Variants in VAV3 observed in about 807,000 individuals in gnomAD.
VAV3 encodes guanine nucleotide exchange factor VAV3.
VAV3 carries 94 observed loss-of-function variants against 131.2 expected under a neutral mutation model. The observed-to-expected ratio is 0.72, with a 90% CI of 0.61 to 0.85. VAV3 has a LOEUF of 0.85. VAV3 is among the 40% of genes least tolerant of loss of function. The pLI is 0.00. For missense variants in VAV3, 939 were observed against 1,002.7 expected, an observed-to-expected ratio of 0.94 and a Z score of 0.86; for synonymous variants, 349 against 342.0, an observed-to-expected ratio of 1.02 and a Z score of -0.22.
At chr1:107,631,539 C>T (rs1654483803) in intron 20 of VAV3, among the ~76,000 whole-genome samples, 1 of 151,420 alleles carries the variant, frequency 6.6e-6, no homozygotes, top group South Asian at 2.1e-4. Flanking sequence ...AGGTTAGTTA[C>T]ATATGTATAC....
chr1:107,815,898 G>A (rs1007019047), intron 2 of VAV3, among the ~76,000 whole-genome samples: 2 of 152,128 alleles, frequency 1.3e-5, no homozygotes, highest in Non-Finnish European at 1.5e-5. Context: ...GGGGGCATGG[G>A]GGGATGGTTT....
intron 15 of VAV3, among the ~76,000 whole-genome samples, chr1:107,744,718 GA>G (rs1366909004): frequency 6.6e-6 from 1 of 152,018 alleles, no homozygotes; most frequent in Admixed American, 6.5e-5. Flanking sequence ...GGACATTTAA[GA>G]AAACTGTCTG....
chr1:107,648,363 T>A (rs1223932598), intron 19 of VAV3, among the ~76,000 whole-genome samples: 1 of 152,010 alleles, frequency 6.6e-6, no homozygotes, highest in Non-Finnish European at 1.5e-5. Flanking sequence ...TCACCTTTAT[T>A]AAAAAGGTGT....
chr1:107,627,833 A>G (rs1030822463), intron 20 of VAV3, among the ~76,000 whole-genome samples: 28 of 152,208 alleles, frequency 1.8e-4, no homozygotes, highest in African/African-American at 6.8e-4. Context: ...ATAATTTAAT[A>G]AACAATTCCT....
At chr1:107,641,417 T>C (rs894822363) in intron 20 of VAV3, among the ~76,000 whole-genome samples, 4 of 152,180 alleles carry the variant, frequency 2.6e-5, no homozygotes, top group African/African-American at 9.6e-5. Flanking sequence ...GCACAATAGA[T>C]TTTTTAACGA....
chr1:107,960,627 C>G (rs1675039281), intron 1 of VAV3, among the ~76,000 whole-genome samples: 1 of 151,792 alleles, frequency 6.6e-6, no homozygotes, highest in Non-Finnish European at 1.5e-5. Context: ...CTTCACGTTT[C>G]CCACTCTTTC....
intron 1 of VAV3, among the ~76,000 whole-genome samples, chr1:107,928,054 G>A (rs1416890268): frequency 1.3e-5 from 2 of 152,148 alleles, no homozygotes; most frequent in East Asian, 3.8e-4. Flanking sequence ...CCAGCTCCAG[G>A]TGGCTCAGAA....
At chr1:107,774,606 C>T (rs557775069) in intron 4 of VAV3, among the ~76,000 whole-genome samples, 8 of 152,274 alleles carry the variant, frequency 5.3e-5, no homozygotes, top group African/African-American at 1.9e-4. Flanking sequence ...CAAAAACAAT[C>T]GACATGTAAG....
chr1:107,769,814 C>T (rs1214579182), intron 6 of VAV3, among the ~76,000 whole-genome samples: 1 of 152,094 alleles, frequency 6.6e-6, no homozygotes, highest in Non-Finnish European at 1.5e-5. Context: ...CTCTTTTTTT[C>T]ACATCCTTTA....
chr1:107,891,338 T>C (rs1050193775), intron 1 of VAV3, among the ~76,000 whole-genome samples: 1 of 152,166 alleles, frequency 6.6e-6, no homozygotes, highest in Non-Finnish European at 1.5e-5. Flanking sequence ...TTTCAGAAAA[T>C]CTACCAAATT....
chr1:107,848,331 A>AT (rs958869808), intron 2 of VAV3, among the ~76,000 whole-genome samples: 6 of 150,630 alleles, frequency 4.0e-5, no homozygotes, highest in African/African-American at 1.2e-4. Context: ...AAAAAAAAAA[A>AT]TAGTGGCAAA....
chr1:107,639,936 T>TAA (rs35664876), intron 20 of VAV3, among the ~76,000 whole-genome samples: 1 of 139,116 alleles, frequency 7.2e-6, no homozygotes, highest in East Asian at 2.1e-4. Context: ...ACCCTGTATT[T>TAA]AAAAAAAAAA....
intron 1 of VAV3, among the ~76,000 whole-genome samples, chr1:107,880,050 T>C (rs1476199179): frequency 6.6e-6 from 1 of 152,174 alleles, no homozygotes; most frequent in African/African-American, 2.4e-5. Context: ...AAAGCAAACA[T>C]GATCCAGACT....
intron 8 of VAV3, 86 bp downstream of exon 8, chr1:107,766,361 G>C: frequency 1.2e-6 from 1 of 831,706 alleles, no homozygotes; most frequent in Non-Finnish European, 1.9e-6. Flanking sequence ...ATAAACAGCA[G>C]TAATAGCTAT....
At chr1:107,657,025 C>G (rs891726158) in intron 19 of VAV3, among the ~76,000 whole-genome samples, 1 of 144,972 alleles carries the variant, frequency 6.9e-6, no homozygotes, top group Non-Finnish European at 1.5e-5. Context: ...ACAATCTCAG[C>G]TCACTGCAGC....
rs376990607 is a variant in VAV3, at chr1:107,841,289, A to AG, written c.321+33611dup. Among the ~76,000 whole-genome samples, 304 of 151,600 alleles carry AG rather than the reference A, an allele frequency of 2.0e-3. 1 individual carries two copies. The highest frequency in any genetic ancestry group is 4.1e-3 in the African/African-American group (170 of 41,330). On this transcript the variant is annotated intron_variant, in intron 2 of 26. Transcript: ENST00000370056. The stretch of plus-strand genomic sequence containing the variant: ...TCATATTCTGGTGTATTTAGGGGAA[A>AG]GGGGGGGGTAGAAAAAGAAACAATT...
intron 1 of VAV3, among the ~76,000 whole-genome samples, chr1:107,882,964 C>G (rs1670854158): frequency 6.6e-6 from 1 of 152,112 alleles, no homozygotes; most frequent in African/African-American, 2.4e-5. Context: ...AGGGTTGTTC[C>G]TTAGCTGTAA....
chr1:107,738,861 T>C (rs1235224762), intron 15 of VAV3, among the ~76,000 whole-genome samples: 2 of 152,154 alleles, frequency 1.3e-5, no homozygotes, highest in Non-Finnish European at 1.5e-5. Flanking sequence ...ATCTTACTCT[T>C]TGAGCAAATC....
At chr1:107,840,349 T>G (rs1351565484) in intron 2 of VAV3, among the ~76,000 whole-genome samples, 1 of 150,814 alleles carries the variant, frequency 6.6e-6, no homozygotes, top group Admixed American at 6.6e-5. Flanking sequence ...TATTTTAAAG[T>G]TGTGCAAAGA....
Sources: allele counts gnomAD v4.1 joint callset (sites outside exome capture counted in the v4.1 genomes callset), GRCh38; gene constraint gnomAD v4.1.1; transcripts MANE v1.5; gene names NCBI Gene and HGNC (gene_info 2026-07-23, HGNC 2026-07-21).